The following SLC9A4 variants were observed in gnomAD, a reference collection of about 807,000 sequenced individuals.
The protein encoded by SLC9A4 is solute carrier family 9 member A4, also known as sodium/hydrogen exchanger 4.
A neutral mutation model predicts 67.4 loss-of-function variants in SLC9A4; 63 were observed. The observed-to-expected ratio is 0.93, with a 90% CI of 0.76 to 1.15. SLC9A4 has a LOEUF of 1.15. Ranked by LOEUF, SLC9A4 falls within the 50% of genes most tolerant of loss-of-function variation. The pLI is 0.00. For synonymous variants in SLC9A4, 393 were observed against 367.2 expected (o/e 1.07, Z -0.80); for missense variants, 1,089 against 987.7 (o/e 1.10, Z -1.38).
Position 102,532,740 on chromosome 2 carries a change from T to C in SLC9A4, c.*52T>C, listed in dbSNP as rs1674806203. 3 of 1,522,310 alleles carry C rather than the reference T, an allele frequency of 2.0e-6. No homozygotes were observed. Among genetic ancestry groups the C allele is most frequent in the Non-Finnish European group, 2.7e-6 (3 of 1,121,726 alleles). 94.3% of individuals were successfully genotyped at this position (1,522,310 alleles called of 1,614,324 possible). On this transcript the variant is annotated 3_prime_UTR_variant, in exon 12 of 12. Transcript: ENST00000295269. Reference sequence around the variant, plus strand: ...TGTTTCTCAAGAGTCTGTCTTCCTATAACTGTGAAAGGAGGATTTCTGGAA... The same window carrying C: ...TGTTTCTCAAGAGTCTGTCTTCCTACAACTGTGAAAGGAGGATTTCTGGAA...
intron 10 of SLC9A4, among the ~76,000 whole-genome samples, chr2:102,525,991 G>A (rs1322626592): frequency 6.6e-6 from 1 of 152,032 alleles, no homozygotes; most frequent in African/African-American, 2.4e-5. Flanking sequence ...GGGTTCATGC[G>A]ATTCTCCTGC....
chr2:102,479,280 T>C lies in SLC9A4; in HGVS notation c.698T>C (p.Leu233Pro), dbSNP rs373372272. ...TACATGATGATCTTTGGGGAGGCCC[T>C]GCTCAATGATGGCATTACTGTGGTG... ...QLYMMIFGEA[L>P]LNDGITVVLY... Residue 233 changes from leucine to proline, a missense_variant, in exon 2 of 12, where the codon CTG (leucine) becomes CCG (proline). Leu to Pro is a moderately conservative substitution (Grantham distance 98). Transcript: ENST00000295269. 16 of 1,611,536 alleles carry C rather than the reference T, an allele frequency of 9.9e-6. No individual in the cohort carries two copies. Among genetic ancestry groups the C allele is most frequent in the Admixed American group, 1.7e-5 (1 of 60,006 alleles).
intron 2 of SLC9A4, among the ~76,000 whole-genome samples, chr2:102,502,547 C>T (rs986059071): frequency 6.6e-6 from 1 of 152,182 alleles, no homozygotes; most frequent in Non-Finnish European, 1.5e-5. Context: ...TGAGGGAGGG[C>T]CCCCAAGGAA....
intron 6 of SLC9A4, among the ~76,000 whole-genome samples, chr2:102,509,582 C>T (rs1685117248): frequency 6.6e-6 from 1 of 152,196 alleles, no homozygotes; most frequent in Non-Finnish European, 1.5e-5. Context: ...CCTTCTATCC[C>T]AATACCCCAA....
intron 2 of SLC9A4, among the ~76,000 whole-genome samples, chr2:102,483,867 G>T (rs1056737959): frequency 2.0e-5 from 2 of 102,214 alleles, no homozygotes; most frequent in East Asian, 3.3e-4. Flanking sequence ...ACACACACAT[G>T]CACATATATA....
chr2:102,510,863 C>G (rs1040237115), intron 6 of SLC9A4, among the ~76,000 whole-genome samples: 1 of 152,170 alleles, frequency 6.6e-6, no homozygotes, highest in African/African-American at 2.4e-5. Flanking sequence ...TTTGTTTGTT[C>G]AAGTTCAGCA....
rs562431604 is a variant in SLC9A4, at chr2:102,478,007, G to A, written c.257-832G>A. On this transcript the variant is annotated intron_variant, in intron 1 of 11. Coordinates refer to ENST00000295269, the MANE Select transcript of SLC9A4 (RefSeq NM_001011552.4). ...CTATCTCTTTGGTCTTCCACCTGGCGGTACTTAACATCGTCTTTGCACAAC... is the reference window on the plus strand; with the variant it reads ...CTATCTCTTTGGTCTTCCACCTGGCAGTACTTAACATCGTCTTTGCACAAC... Among the ~76,000 whole-genome samples, 6 of 152,242 alleles carry A rather than the reference G, an allele frequency of 3.9e-5. No individual in the cohort carries two copies. In the East Asian group the frequency reaches 5.8e-4, roughly 15 times the overall value.
chr2:102,523,596 G>A (rs757254929), intron 9 of SLC9A4, among the ~76,000 whole-genome samples: 3 of 152,110 alleles, frequency 2.0e-5, no homozygotes, highest in Non-Finnish European at 2.9e-5. Flanking sequence ...CACCCTGTGG[G>A]GCATCTTGTG....
At chr2:102,490,110 A>C (rs6705272) in intron 2 of SLC9A4, among the ~76,000 whole-genome samples, 107,238 of 151,372 alleles carry the variant, frequency 0.71, 38,660 homozygotes, top group Middle Eastern at 0.78. Flanking sequence ...TTTTTTTTTA[A>C]CTTGACAGTA....
At chr2:102,529,123 G>A (rs1674728308) in intron 11 of SLC9A4, among the ~76,000 whole-genome samples, 1 of 152,208 alleles carries the variant, frequency 6.6e-6, no homozygotes, top group African/African-American at 2.4e-5. Context: ...ACTTAAAGAA[G>A]CCTTGACATG....
Position 102,473,659 on chromosome 2 carries a change from C to A in SLC9A4, c.-101C>A, listed in dbSNP as rs576360655. ...GGACCCACAGACTGTACCTATATTA[C>A]TTTTGACCCAGGTGGATGCAGTCAC... On this transcript the variant is annotated 5_prime_UTR_variant, in exon 1 of 12. Transcript: ENST00000295269. 1.3e-4 allele frequency: 190 copies of A among 1,473,544 alleles called. No homozygotes were observed. In the East Asian group the frequency reaches 3.1e-3, roughly 24 times the overall value. 91.3% of individuals were successfully genotyped at this position (1,473,544 alleles called of 1,614,324 possible). A position where few individuals can be genotyped will look rare whatever the true frequency, so the allele number is the denominator to read the frequency against.
rs1336498898 is a variant in SLC9A4 at position 102,478,923 on chromosome 2, T to G, written c.341T>G (p.Ile114Ser). 3.1e-6 allele frequency: 5 copies of G among 1,613,954 alleles called. No individual in the cohort carries two copies. The highest frequency in any genetic ancestry group is 1.3e-5 in the African/African-American group (1 of 74,932). ...ILVGALVGGIIFGTDHKSPPV... is the reference protein window; with the variant it reads ...ILVGALVGGISFGTDHKSPPV... The stretch of plus-strand genomic sequence containing the variant: ...GTGGGGGCGCTGGTGGGCGGCATCA[T>G]CTTCGGCACCGACCACAAATCGCCT... The change falls in exon 2 of 12, where the codon ATC becomes AGC. Residue 114 changes from isoleucine (I) to serine (S), a missense_variant. Transcript: ENST00000295269.
Position 102,508,929 on chromosome 2 carries a change from T to C in SLC9A4, c.1484T>C (p.Ile495Thr). ...KKESINEELH[I>T]RLMDHLKAGI... ...GAATCCATCAATGAAGAGCTTCATA[T>C]TCGTGTAAGTTATCTCATAGTCACA... The change falls in exon 6 of 12, where the codon ATT (isoleucine) becomes ACT (threonine). Residue 495 changes from isoleucine to threonine, a missense_variant. Coordinates refer to ENST00000295269, the MANE Select transcript of SLC9A4 (RefSeq NM_001011552.4). 1 of 1,608,068 alleles carries C rather than the reference T, an allele frequency of 6.2e-7. No homozygotes were observed. The highest frequency in any genetic ancestry group is 1.7e-4 in the Middle Eastern group (1 of 6,036).
In SLC9A4 at chr2:102,479,313, A is replaced by C; in HGVS notation, c.720+11A>C. 6.3e-7 allele frequency: 1 copy of C among 1,594,982 alleles called. No individual in the cohort carries two copies. The highest frequency in any genetic ancestry group is 8.5e-7 in the Non-Finnish European group (1 of 1,170,306). On this transcript the variant is annotated intron_variant, in intron 2 of 11. Transcript: ENST00000295269. ...GATGGCATTACTGTGGTGAGATGTC[A>C]TGTGCCCGCCCGGCTTCCGGGGGAG... is the stretch of plus-strand genomic sequence containing the variant.
At position 102,508,267 on chromosome 2, in the gene SLC9A4, A is replaced by C; in HGVS notation, c.1387A>C (p.Thr463Pro). The C allele has an allele frequency of 6.2e-7, 1 of 1,612,014 alleles. No homozygotes were observed. ...TGCTACTCTAGTAGTTATATACTTT[A>C]CTGTATTTATTCAGGTAAGTAGATT... is the stretch of plus-strand genomic sequence containing the variant. ...VTATLVVIYF[T>P]VFIQGITVGP... Residue 463 changes from threonine (T) to proline (P), a missense_variant, in exon 5 of 12, where the codon ACT becomes CCT. Coordinates refer to ENST00000295269, the MANE Select transcript of SLC9A4 (RefSeq NM_001011552.4).
intron 2 of SLC9A4, among the ~76,000 whole-genome samples, chr2:102,488,944 T>A (rs772242094): frequency 6.6e-6 from 1 of 152,174 alleles, no homozygotes; most frequent in Non-Finnish European, 1.5e-5. Flanking sequence ...CATCCATTCA[T>A]TCATCAAAAA....
rs1442540976 is a variant in SLC9A4, at chr2:102,510,234, T to TACAGATACAGATACAGATACAGAC, written c.1488+1324_1488+1325insCACAGATACAGATACAGATACAGA. Among the ~76,000 whole-genome samples the TACAGATACAGATACAGATACAGAC allele has an allele frequency of 1.6e-3, 225 of 139,528 alleles. 2 individuals carry two copies. Among genetic ancestry groups the TACAGATACAGATACAGATACAGAC allele is most frequent in the African/African-American group, 5.9e-3 (214 of 36,218 alleles). The allele number at this position is 139,528 out of a possible 152,430, so 91.5% of individuals were successfully genotyped here. On this transcript the variant is annotated intron_variant, in intron 6 of 11. Coordinates refer to ENST00000295269, the MANE Select transcript of SLC9A4 (RefSeq NM_001011552.4). ...ATATAGATACAGATACGGATACGGA[T>TACAGATACAGATACAGATACAGAC]ACAGATACAGATACAGATACAGATA... is the stretch of plus-strand genomic sequence containing the variant.
At chr2:102,479,348 C>T (rs776049651) in intron 2 of SLC9A4, 46 bp downstream of exon 2, 22 of 1,539,610 alleles carry the variant, frequency 1.4e-5, no homozygotes, top group East Asian at 2.4e-5. Flanking sequence ...GATGAGGGTT[C>T]GGGGTGGGGC....
At chr2:102,506,360 T>G (rs1266848095) in intron 4 of SLC9A4, among the ~76,000 whole-genome samples, 1 of 152,246 alleles carries the variant, frequency 6.6e-6, no homozygotes, top group East Asian at 1.9e-4. Context: ...CAAAGAGAAA[T>G]TAGGTGAAAT....
Sources: gnomAD v4.1 joint callset for allele counts (sites outside exome capture counted in the v4.1 genomes callset) on GRCh38, gnomAD v4.1.1 for gene constraint, MANE v1.5 for transcripts, NCBI Gene and HGNC (gene_info 2026-07-23, HGNC 2026-07-21) for gene names.